Variants in BCL2 observed in about 807,000 individuals in gnomAD.
BCL2 encodes the protein BCL2 apoptosis regulator.
BCL2 carries 1 observed loss-of-function variant against 14.2 expected under a neutral mutation model. The observed-to-expected ratio is 0.07, with a 90% CI of 0.02 to 0.33. BCL2 has a LOEUF of 0.33. Among genes scored for constraint, BCL2 ranks in the 10% least tolerant of loss-of-function variants. BCL2 has a pLI of 0.99. For synonymous variants in BCL2, 151 were observed against 137.2 expected (o/e 1.10, Z -0.70); for missense variants, 247 against 305.9 (o/e 0.81, Z 1.44).
intron 2 of BCL2, among the ~76,000 whole-genome samples, chr18:63,312,675 C>T (rs1026795809): frequency 1.3e-5 from 2 of 151,950 alleles, no homozygotes; most frequent in Non-Finnish European, 2.9e-5. Flanking sequence ...AAAACAGAAG[C>T]TTTTTTTTCC....
intron 2 of BCL2, among the ~76,000 whole-genome samples, chr18:63,188,905 T>C (rs1008410978): frequency 9.2e-5 from 14 of 151,878 alleles, no homozygotes; most frequent in African/African-American, 3.4e-4. Flanking sequence ...TGAGTTCATA[T>C]GTATCCATCA....
chr18:63,181,349 C>A (rs1438995673), intron 2 of BCL2, among the ~76,000 whole-genome samples: 1 of 152,122 alleles, frequency 6.6e-6, no homozygotes, highest in Non-Finnish European at 1.5e-5. Flanking sequence ...CTAGGAGGTG[C>A]AAAACAAGCC....
chr18:63,207,709 G>C (rs1332382679), intron 2 of BCL2: 1 of 152,184 alleles, frequency 6.6e-6, no homozygotes, highest in Non-Finnish European at 1.5e-5. Context: ...TTAATATGGG[G>C]GTGGGGGAAG....
intron 2 of BCL2, among the ~76,000 whole-genome samples, chr18:63,294,494 C>A (rs563359662): frequency 6.6e-6 from 1 of 152,032 alleles, no homozygotes; most frequent in Admixed American, 6.6e-5. Flanking sequence ...CATGGTGAAA[C>A]CCTGTCTCTA....
rs138068930 is a variant in BCL2 at position 63,248,335 on chromosome 18, G to A, written c.585+69747C>T. ...ATGAGAAATAAAAACAAACTACGTC[G>A]TCAGGTTCTGCCAACATTGAGATGC... On this transcript the variant is annotated intron_variant, in intron 2 of 2. Transcript: ENST00000333681. Among the ~76,000 whole-genome samples the A allele has an allele frequency of 1.6e-4, 25 of 152,306 alleles. No individual in the cohort carries two copies. In the East Asian group the frequency reaches 2.7e-3, roughly 16 times the overall value.
intron 2 of BCL2, among the ~76,000 whole-genome samples, chr18:63,224,281 C>T (rs1412029741): frequency 1.3e-5 from 2 of 152,170 alleles, no homozygotes; most frequent in African/African-American, 4.8e-5. Flanking sequence ...AGAGAGAACA[C>T]AGTCTTGACA....
chr18:63,192,637 G>A (rs1248413050), intron 2 of BCL2, among the ~76,000 whole-genome samples: 1 of 152,096 alleles, frequency 6.6e-6, no homozygotes, highest in Non-Finnish European at 1.5e-5. Flanking sequence ...GATGGCAGCT[G>A]GCTCCTTGGA....
intron 2 of BCL2, among the ~76,000 whole-genome samples, chr18:63,218,641 C>CT (rs112484959): frequency 2.7e-4 from 1 of 3,664 alleles, no homozygotes; most frequent in Admixed American, 3.4e-3. Flanking sequence ...ATCCACTCAT[C>CT]CCATCCTCCA....
At chr18:63,258,236 G>A (rs758876077) in intron 2 of BCL2, among the ~76,000 whole-genome samples, 18 of 152,204 alleles carry the variant, frequency 1.2e-4, no homozygotes, top group Non-Finnish European at 2.6e-4. Flanking sequence ...CAGACTTCCA[G>A]CCCTCAGAAC....
chr18:63,216,953 CAG>C (rs1247801997), intron 2 of BCL2, among the ~76,000 whole-genome samples: 1 of 152,164 alleles, frequency 6.6e-6, no homozygotes, highest in Non-Finnish European at 1.5e-5. Context: ...TAGACACATT[CAG>C]GGGGAGGATG....
chr18:63,234,028 G>T (rs1250174586), intron 2 of BCL2, among the ~76,000 whole-genome samples: 3 of 151,924 alleles, frequency 2.0e-5, no homozygotes, highest in Non-Finnish European at 4.4e-5. Flanking sequence ...GTTTAAAAGG[G>T]TATACATGAT....
chr18:63,317,885 G>A (rs1030465607), intron 2 of BCL2, 197 bp downstream of exon 2: 4 of 1,422,378 alleles, frequency 2.8e-6, no homozygotes, highest in Non-Finnish European at 3.7e-6. Flanking sequence ...AAGACTTTTA[G>A]ATGGCAGGCG....
chr18:63,316,239 A>G (rs1361386781), intron 2 of BCL2: 1 of 152,204 alleles, frequency 6.6e-6, no homozygotes, highest in Non-Finnish European at 1.5e-5. Context: ...TGTCATAAAC[A>G]TGTGTCTCTG....
chr18:63,300,466 C>G (rs2615195), intron 2 of BCL2, among the ~76,000 whole-genome samples: 20,414 of 147,910 alleles, frequency 0.14, 1,464 homozygotes, highest in Middle Eastern at 0.23. Flanking sequence ...CTCTCTCTCT[C>G]TGTGTGTGTG....
intron 2 of BCL2, among the ~76,000 whole-genome samples, chr18:63,199,234 C>T (rs1284337873): frequency 6.7e-6 from 1 of 148,946 alleles, no homozygotes; most frequent in East Asian, 2.1e-4. Flanking sequence ...CTACACAACA[C>T]ATGCACACAG....
At chr18:63,153,301 A>G (rs144818136) in intron 2 of BCL2, among the ~76,000 whole-genome samples, 2 of 152,362 alleles carry the variant, frequency 1.3e-5, no homozygotes, top group African/African-American at 4.8e-5. Context: ...GGAGGATGAA[A>G]TGACTTCTGT....
At chr18:63,283,364 A>G (rs1191822242) in intron 2 of BCL2, among the ~76,000 whole-genome samples, 2 of 152,200 alleles carry the variant, frequency 1.3e-5, no homozygotes, top group Non-Finnish European at 2.9e-5. Flanking sequence ...TTCAACCAAA[A>G]GCTTTTAGGG....
intron 2 of BCL2, among the ~76,000 whole-genome samples, chr18:63,217,412 C>T (rs537752777): frequency 1.3e-5 from 2 of 152,224 alleles, no homozygotes; most frequent in East Asian, 3.9e-4. Context: ...GCTGTTATTC[C>T]CAATGGTCAG....
intron 2 of BCL2, among the ~76,000 whole-genome samples, chr18:63,223,227 C>T (rs899569014): frequency 6.6e-6 from 1 of 151,854 alleles, no homozygotes. Flanking sequence ...GGTGAAACCC[C>T]GTCTCTACTA....
Sources: allele counts gnomAD v4.1 joint callset (sites outside exome capture counted in the v4.1 genomes callset), GRCh38; gene constraint gnomAD v4.1.1; transcripts MANE v1.5; gene names NCBI Gene and HGNC (gene_info 2026-07-23, HGNC 2026-07-21).